Variants in EIF2B3 observed in about 807,000 individuals in gnomAD.
EIF2B3 encodes the protein translation initiation factor eIF2B subunit gamma.
EIF2B3 carries 20 observed loss-of-function variants against 54.1 expected under a neutral mutation model. That is an observed-to-expected ratio of 0.37 (90% confidence interval 0.26 to 0.54). The LOEUF (loss-of-function observed/expected upper bound fraction) is 0.54. Among genes scored for constraint, EIF2B3 ranks in the 20% least tolerant of loss-of-function variants. The probability of loss-of-function intolerance (pLI) is 0.86; values close to 1 mark genes in which losing one functional copy is unlikely to be tolerated. For missense variants in EIF2B3, 448 were observed against 547.8 expected (o/e 0.82, Z 1.82); for synonymous variants, 153 against 188.1 (o/e 0.81, Z 1.52).
Position 44,971,364 on chromosome 1 carries a change from C to T in EIF2B3, c.294+6951G>A, listed in dbSNP as rs540349632. Among the ~76,000 whole-genome samples the T allele has an allele frequency of 3.0e-5, 4 of 135,070 alleles. No individual in the cohort carries two copies. The South Asian group carries it at 7.1e-4, about 24-fold the overall frequency. The allele number at this position is 135,070 out of a possible 152,430, so 88.6% of individuals were successfully genotyped here. A position where few individuals can be genotyped will look rare whatever the true frequency, so the allele number is the denominator to read the frequency against. On this transcript the variant is annotated intron_variant, in intron 3 of 11. Transcript: ENST00000360403. Reference sequence around the variant, plus strand: ...CAGCCTGGGCTACAGAGCGAGACTCCGTCTCCAGAAAAAAAAAAAAAAAAA... The same window carrying T: ...CAGCCTGGGCTACAGAGCGAGACTCTGTCTCCAGAAAAAAAAAAAAAAAAA...
chr1:44,879,485 T>C (rs991310831), intron 8 of EIF2B3, among the ~76,000 whole-genome samples: 5 of 152,122 alleles, frequency 3.3e-5, no homozygotes, highest in Admixed American at 2.0e-4. Flanking sequence ...TTACAGAGTA[T>C]TTACCTGCTT....
intron 5 of EIF2B3, among the ~76,000 whole-genome samples, chr1:44,922,974 T>C (rs755312413): frequency 6.7e-6 from 1 of 150,364 alleles, no homozygotes; most frequent in Non-Finnish European, 1.5e-5. Context: ...GCCTCCCAAG[T>C]AGCTGGGACT....
intron 5 of EIF2B3, among the ~76,000 whole-genome samples, chr1:44,921,694 C>T (rs139117459): frequency 1.3e-5 from 2 of 152,150 alleles, no homozygotes; most frequent in South Asian, 2.1e-4. Context: ...AATGAGTTCA[C>T]TGAAGGTGTA....
chr1:44,856,528 T>TAAAAAAA (rs150728949), intron 11 of EIF2B3, among the ~76,000 whole-genome samples: 6 of 102,374 alleles, frequency 5.9e-5, no homozygotes, highest in Non-Finnish European at 8.7e-5. Flanking sequence ...AAATTAAAAT[T>TAAAAAAA]AAAAAAAAAA....
At chr1:44,888,703 A>C (rs760851652) in intron 6 of EIF2B3, among the ~76,000 whole-genome samples, 1 of 152,206 alleles carries the variant, frequency 6.6e-6, no homozygotes, top group Non-Finnish European at 1.5e-5. Context: ...AAACTGCTCA[A>C]GACGGCCCAG....
intron 3 of EIF2B3, among the ~76,000 whole-genome samples, chr1:44,949,845 T>C (rs746813096): frequency 4.6e-5 from 7 of 152,226 alleles, no homozygotes; most frequent in Non-Finnish European, 1.0e-4. Context: ...GAAATTTTCC[T>C]CTTCAGATTA....
chr1:44,876,101 G>A (rs1655127114), intron 8 of EIF2B3, among the ~76,000 whole-genome samples: 1 of 152,210 alleles, frequency 6.6e-6, no homozygotes, highest in Non-Finnish European at 1.5e-5. Flanking sequence ...TGGTGCCCAG[G>A]CTGGAGTGCA....
chr1:44,873,194 A>G (rs552094437), intron 10 of EIF2B3, among the ~76,000 whole-genome samples: 5 of 152,266 alleles, frequency 3.3e-5, no homozygotes, highest in East Asian at 3.9e-4. Flanking sequence ...TGGCCAACTG[A>G]TATTAGTAGT....
chr1:44,915,150 T>C (rs1481259767), intron 5 of EIF2B3, among the ~76,000 whole-genome samples: 2 of 151,300 alleles, frequency 1.3e-5, no homozygotes, highest in East Asian at 4.0e-4. Flanking sequence ...AATACAAAAA[T>C]TAGCTGAGTG....
chr1:44,973,008 T>C (rs1400632240), intron 3 of EIF2B3, among the ~76,000 whole-genome samples: 1 of 152,010 alleles, frequency 6.6e-6, no homozygotes, highest in Admixed American at 6.6e-5. Flanking sequence ...GCCATGGCAC[T>C]CCAACCTGGA....
At chr1:44,977,034 G>A (rs1230594572) in intron 3 of EIF2B3, among the ~76,000 whole-genome samples, 1 of 152,200 alleles carries the variant, frequency 6.6e-6, no homozygotes, top group Non-Finnish European at 1.5e-5. Context: ...GGAAAGCCAT[G>A]TACATATTTG....
chr1:44,897,759 G>A (rs1254222494), intron 5 of EIF2B3, among the ~76,000 whole-genome samples: 8 of 129,088 alleles, frequency 6.2e-5, no homozygotes, highest in African/African-American at 9.8e-5. Context: ...TTTTTTTTGA[G>A]ACAGTCTTGC....
At chr1:44,902,702 C>A (rs1281191844) in intron 5 of EIF2B3, among the ~76,000 whole-genome samples, 1 of 151,472 alleles carries the variant, frequency 6.6e-6, no homozygotes, top group Non-Finnish European at 1.5e-5. Flanking sequence ...GTGGCATGTG[C>A]CTGTGGTCCC....
chr1:44,957,761 C>CA (rs530862191), intron 3 of EIF2B3, among the ~76,000 whole-genome samples: 2,828 of 143,954 alleles, frequency 0.02, 28 homozygotes, highest in South Asian at 0.029. Flanking sequence ...ACTCCGTCTC[C>CA]AAAAAAAAAA....
chr1:44,956,853 A>G (rs765046441), intron 3 of EIF2B3, among the ~76,000 whole-genome samples: 2 of 152,240 alleles, frequency 1.3e-5, no homozygotes, highest in Non-Finnish European at 2.9e-5. Flanking sequence ...GTGAAACTAT[A>G]CAAGTACTAG....
At chr1:44,917,386 T>C (rs1441050483) in intron 5 of EIF2B3, among the ~76,000 whole-genome samples, 6 of 150,968 alleles carry the variant, frequency 4.0e-5, no homozygotes. Flanking sequence ...CCAGCTACTC[T>C]GGTGGCTGAG....
At chr1:44,917,177 C>T (rs1430375777) in intron 5 of EIF2B3, among the ~76,000 whole-genome samples, 2 of 152,090 alleles carry the variant, frequency 1.3e-5, no homozygotes, top group South Asian at 2.1e-4. Context: ...GCCAAATTAT[C>T]TTAGAACACA....
intron 4 of EIF2B3, among the ~76,000 whole-genome samples, chr1:44,932,050 T>G (rs927865614): frequency 6.6e-6 from 1 of 152,096 alleles, no homozygotes; most frequent in Non-Finnish European, 1.5e-5. Context: ...AGGCGGAGGT[T>G]GCAGTGAGCC....
At chr1:44,872,359 C>T (rs1196304004) in intron 10 of EIF2B3, among the ~76,000 whole-genome samples, 2 of 151,994 alleles carry the variant, frequency 1.3e-5, no homozygotes, top group African/African-American at 4.8e-5. Context: ...ATCTAGAATA[C>T]CTCTGGCCAG....
Sources: gnomAD v4.1 joint callset for allele counts (sites outside exome capture counted in the v4.1 genomes callset) on GRCh38, gnomAD v4.1.1 for gene constraint, MANE v1.5 for transcripts, NCBI Gene and HGNC (gene_info 2026-07-23, HGNC 2026-07-21) for gene names.